Variants in CEP55 observed in about 807,000 individuals in gnomAD.
CEP55 encodes centrosomal protein of 55 kDa.
In CEP55, 57 loss-of-function variants were observed where a neutral mutation model predicts 63.2. The ratio of observed to expected loss-of-function variants is 0.90; its 90% CI spans 0.73 to 1.13. The LOEUF (loss-of-function observed/expected upper bound fraction) is 1.13, where lower values mean the gene tolerates loss of function less well. CEP55 is among the 50% of genes most tolerant of loss of function. The pLI, the probability that CEP55 is intolerant of heterozygous loss-of-function variation, is 0.00. For synonymous variants in CEP55, 178 were observed against 191.6 expected, an observed-to-expected ratio of 0.93 and a Z score of 0.59; for missense variants, 456 against 518.9, an observed-to-expected ratio of 0.88 and a Z score of 1.18.
At chr10:93,527,309 C>A (rs1267295089) in intron 8 of CEP55, among the ~76,000 whole-genome samples, 1 of 152,182 alleles carries the variant, frequency 6.6e-6, no homozygotes, top group Non-Finnish European at 1.5e-5. Flanking sequence ...TACTTTATTG[C>A]TGACGTTGCC....
chr10:93,518,768 T>A (rs2057828102), intron 6 of CEP55, 109 bp from the exon 7 acceptor site: 1 of 677,076 alleles, frequency 1.5e-6, no homozygotes, highest in Admixed American at 2.5e-5. Flanking sequence ...GACTAGCAGG[T>A]GTTGTCCTGG....
intron 3 of CEP55, 115 bp from the exon 4 acceptor site, chr10:93,506,873 C>A (rs1333441121): frequency 2.6e-6 from 2 of 773,960 alleles, no homozygotes; most frequent in African/African-American, 3.4e-5. Context: ...CGTGCCCAGC[C>A]TAGATCTGGA....
intron 8 of CEP55, among the ~76,000 whole-genome samples, chr10:93,522,786 A>G (rs1014598509): frequency 5.9e-5 from 9 of 152,218 alleles, no homozygotes; most frequent in Non-Finnish European, 1.3e-4. Context: ...TCAATATTCA[A>G]CATTCTTAAA....
chr10:93,517,686 G>A (rs2134485473), intron 6 of CEP55, among the ~76,000 whole-genome samples: 1 of 152,318 alleles, frequency 6.6e-6, no homozygotes, highest in Middle Eastern at 3.4e-3. Flanking sequence ...GTGCTCAAGT[G>A]AATTCACATG....
chr10:93,515,313 T>G, intron 4 of CEP55, 92 bp from the exon 5 acceptor site: 4 of 1,208,556 alleles, frequency 3.3e-6, no homozygotes, highest in Non-Finnish European at 4.6e-6. Flanking sequence ...AGAGTTTTTG[T>G]TGGAAAAGAC....
intron 8 of CEP55, among the ~76,000 whole-genome samples, chr10:93,527,032 T>C (rs2057930809): frequency 6.6e-6 from 1 of 152,006 alleles, no homozygotes; most frequent in Non-Finnish European, 1.5e-5. Context: ...TGTATACATA[T>C]GTAACAAACC....
At chr10:93,515,323 C>G in intron 4 of CEP55, 82 bp from the exon 5 acceptor site, 5 of 1,303,446 alleles carry the variant, frequency 3.8e-6, no homozygotes, top group Non-Finnish European at 5.3e-6. Flanking sequence ...TTGGAAAAGA[C>G]TACATCACTT....
chr10:93,503,977 T>C (rs982111944), intron 3 of CEP55, among the ~76,000 whole-genome samples: 1 of 152,032 alleles, frequency 6.6e-6, no homozygotes, highest in African/African-American at 2.4e-5. Context: ...TAGTTTCTTT[T>C]TTTTTTTTTT....
intron 7 of CEP55, 37 bp from the exon 8 acceptor site, chr10:93,519,638 CAGTCTGT>C: frequency 6.3e-7 from 1 of 1,598,222 alleles, no homozygotes; most frequent in Non-Finnish European, 8.5e-7. Context: ...GAGAACTAGA[CAGTCTGT>C]ATCAGCTGTA....
At chr10:93,510,322 AT>A (rs1314401828) in intron 4 of CEP55, among the ~76,000 whole-genome samples, 4 of 152,202 alleles carry the variant, frequency 2.6e-5, no homozygotes, top group Non-Finnish European at 1.5e-5. Context: ...ATAAATAATA[AT>A]TGTTTTAAAA....
chr10:93,526,407 A>G (rs569579751), intron 8 of CEP55, among the ~76,000 whole-genome samples: 6,439 of 152,074 alleles, frequency 0.042, 436 homozygotes, highest in African/African-American at 0.15. Context: ...ACCAGTTAGA[A>G]TGGCAATCAT....
At chr10:93,498,209 G>A (rs540886444) in intron 1 of CEP55, among the ~76,000 whole-genome samples, 2 of 152,074 alleles carry the variant, frequency 1.3e-5, no homozygotes, top group African/African-American at 4.8e-5. Context: ...GGTGGGACTA[G>A]GTGGTGGGGG....
At chr10:93,514,037 C>T (rs188099418) in intron 4 of CEP55, among the ~76,000 whole-genome samples, 22 of 152,102 alleles carry the variant, frequency 1.4e-4, no homozygotes, top group East Asian at 3.9e-4. Context: ...CTCCGCCTCC[C>T]GCATTCAAGT....
At chr10:93,499,920 AT>A in intron 1 of CEP55, 119 bp from the exon 2 acceptor site, 1 of 649,608 alleles carries the variant, frequency 1.5e-6, no homozygotes, top group Non-Finnish European at 2.6e-6. Context: ...ATCTTTCTCC[AT>A]ACCCTGCTGG....
intron 8 of CEP55, among the ~76,000 whole-genome samples, chr10:93,521,946 T>A (rs557223799): frequency 6.6e-6 from 1 of 152,242 alleles, no homozygotes; most frequent in East Asian, 1.9e-4. Flanking sequence ...CCCATCTGTA[T>A]GTCACCATCA....
At chr10:93,526,163 G>C (rs2057919441) in intron 8 of CEP55, among the ~76,000 whole-genome samples, 1 of 152,072 alleles carries the variant, frequency 6.6e-6, no homozygotes, top group African/African-American at 2.4e-5. Context: ...CTACAGAATG[G>C]GAGAAAATTT....
intron 8 of CEP55, chr10:93,520,134 A>AAAAG (rs574623012): frequency 1.7e-3 from 554 of 319,390 alleles, no homozygotes; most frequent in Non-Finnish European, 2.8e-3. Flanking sequence ...TATCTATTAA[A>AAAAG]AAAGAAAGAA....
chr10:93,522,480 C>G (rs1026899271), intron 8 of CEP55, among the ~76,000 whole-genome samples: 1 of 152,256 alleles, frequency 6.6e-6, no homozygotes, highest in African/African-American at 2.4e-5. Flanking sequence ...CTGAAAGTGA[C>G]GAGGAGAATG....
At chr10:93,510,024 A>C (rs1463567180) in intron 4 of CEP55, among the ~76,000 whole-genome samples, 1 of 152,128 alleles carries the variant, frequency 6.6e-6, no homozygotes, top group South Asian at 2.1e-4. Flanking sequence ...TTACCCACGT[A>C]TTTTCAGAAT....
Sources: gnomAD v4.1 joint callset for allele counts (sites outside exome capture counted in the v4.1 genomes callset) on GRCh38, gnomAD v4.1.1 for gene constraint, MANE v1.5 for transcripts, NCBI Gene and HGNC (gene_info 2026-07-23, HGNC 2026-07-21) for gene names.